Variants in PML observed in about 807,000 individuals in gnomAD.
PML encodes protein PML.
PML carries 28 observed loss-of-function variants against 65.2 expected under a neutral mutation model. The observed-to-expected ratio is 0.43, with a 90% CI of 0.32 to 0.59. PML has a LOEUF of 0.59. Among genes scored for constraint, PML ranks in the 20% least tolerant of loss-of-function variants. PML has a pLI of 0.08. For synonymous variants in PML, 500 were observed against 508.8 expected (o/e 0.98, Z 0.23); for missense variants, 1,021 against 1,203.4 (o/e 0.85, Z 2.24).
Position 74,047,420 on chromosome 15 carries a change from G to A in PML, c.*2412G>A, listed in dbSNP as rs2071782136. 4 of 229,840 alleles carry A rather than the reference G, an allele frequency of 1.7e-5. No individual in the cohort carries two copies. The East Asian group carries it at 2.5e-4, about 14-fold the overall frequency. 14.2% of individuals were successfully genotyped at this position (229,840 alleles called of 1,614,324 possible). ...TCCCAGATGCCCAGATTCCAGTCCT[G>A]GAGTTTTATTCTCTCAGCTTGATCC... On this transcript the variant is annotated 3_prime_UTR_variant, in exon 9 of 9. Transcript: ENST00000268058.
chr15:74,023,093 G>A lies in PML; in HGVS notation c.868G>A (p.Val290Met). ...RERVRQVVAHVRAQERELLEA... is the reference protein window; with the variant it reads ...RERVRQVVAHMRAQERELLEA... ...GCGCGTGCGCCAGGTGGTAGCTCACGTGCGGGCTCAGGAGCGCGAGCTGCT... is the reference window on the plus strand; with the variant it reads ...GCGCGTGCGCCAGGTGGTAGCTCACATGCGGGCTCAGGAGCGCGAGCTGCT... Residue 290 changes from valine (V) to methionine (M), a missense_variant, in exon 3 of 9, where the codon GTG becomes ATG. By Grantham distance (21) the Val-to-Met change is conservative (BLOSUM62 1). Transcript: ENST00000268058. 6.2e-7 allele frequency: 1 copy of A among 1,603,114 alleles called. No individual in the cohort carries two copies. Among genetic ancestry groups the A allele is most frequent in the Non-Finnish European group, 8.5e-7 (1 of 1,178,892 alleles).
At chr15:74,023,728 A>G (rs1268189739) in intron 3 of PML, among the ~76,000 whole-genome samples, 2 of 152,220 alleles carry the variant, frequency 1.3e-5, no homozygotes, top group African/African-American at 2.4e-5. Context: ...TTTTGGCGCC[A>G]GAGGGACCAA....
intron 2 of PML, 28 bp downstream of exon 2, chr15:73,998,504 G>T: frequency 6.4e-7 from 1 of 1,574,152 alleles, no homozygotes; most frequent in Non-Finnish European, 8.7e-7. Flanking sequence ...GGGTGGGGTG[G>T]TGCATCCAAG....
intron 4 of PML, chr15:74,026,907 C>T (rs1417151623): frequency 6.6e-6 from 1 of 152,224 alleles, no homozygotes; most frequent in Non-Finnish European, 1.5e-5. Context: ...CCACCTCAGC[C>T]TCCCAAAAGT....
chr15:74,014,784 C>G (rs1428660492), intron 2 of PML, among the ~76,000 whole-genome samples: 1 of 151,852 alleles, frequency 6.6e-6, no homozygotes, highest in Non-Finnish European at 1.5e-5. Flanking sequence ...AAAAAGAAAT[C>G]ATTGAAGCCA....
chr15:74,043,124 A>T lies in PML; in HGVS notation c.1846A>T (p.Lys616Ter). 1 of 1,613,618 alleles carries T rather than the reference A, an allele frequency of 6.2e-7. No individual in the cohort carries two copies. The highest frequency in any genetic ancestry group is 8.5e-7 in the Non-Finnish European group (1 of 1,179,954). The change falls in exon 8 of 9, where the codon AAG becomes TAG. Residue 616 changes from lysine to a stop codon, truncating the protein, a stop_gained. Coordinates refer to ENST00000268058, the MANE Select transcript of PML (RefSeq NM_033238.3). LOFTEE classifies it low-confidence loss of function (END_TRUNC). This position sits in a 1 kb window ranked among gnomAD's most constrained non-coding sequence, Gnocchi z 4.3. ...EDRPLVFFDL[K>*]IDNETQKISQ... ...CAGACCTCTGGTTTTCTTTGACCTC[A>T]AGATTGACAATGAAAGTGGGTTCTC...
chr15:74,037,752 C>T lies in PML; in HGVS notation c.1710+3222C>T. ...GGCACTCCTCCCTCTCCTCTGCAGG[C>T]TCTGTTTTTTCTTGGTTGTGGTGCT... On this transcript the variant is annotated intron_variant, in intron 7 of 8. Coordinates refer to ENST00000268058, the MANE Select transcript of PML (RefSeq NM_033238.3). This position sits in a 1 kb window ranked among gnomAD's most constrained non-coding sequence, Gnocchi z 4.2. 5 of 979,792 alleles carry T rather than the reference C, an allele frequency of 5.1e-6. No individual in the cohort carries two copies. The highest frequency in any genetic ancestry group is 6.1e-6 in the Non-Finnish European group (5 of 824,804). The allele number at this position is 979,792 out of a possible 1,614,324, so 60.7% of individuals were successfully genotyped here. A position where few individuals can be genotyped will look rare whatever the true frequency, so the allele number is the denominator to read the frequency against.
intron 2 of PML, among the ~76,000 whole-genome samples, chr15:74,011,656 T>TG (rs1276171762): frequency 6.6e-6 from 1 of 152,220 alleles, no homozygotes; most frequent in African/African-American, 2.4e-5. Context: ...TCAGGCTGCA[T>TG]GCAACCTTTC....
At chr15:74,022,367 C>T (rs946287990) in intron 2 of PML, among the ~76,000 whole-genome samples, 1 of 152,144 alleles carries the variant, frequency 6.6e-6, no homozygotes, top group Non-Finnish European at 1.5e-5. Context: ...ATATGTATAA[C>T]GACAATTCTC....
At chr15:74,040,105 G>A (rs2071661709) in intron 7 of PML, among the ~76,000 whole-genome samples, 1 of 151,674 alleles carries the variant, frequency 6.6e-6, no homozygotes, top group Admixed American at 6.6e-5. Flanking sequence ...GCTCTCACGA[G>A]GCTCAGCCTG....
At chr15:74,033,619 G>A (rs765190464) in intron 6 of PML, 27 of 713,606 alleles carry the variant, frequency 3.8e-5, no homozygotes. Flanking sequence ...TTGAGGTGTG[G>A]GGAGCCTGAC....
chr15:74,044,105 C>A, intron 8 of PML, 116 bp from the exon 9 acceptor site: 1 of 961,018 alleles, frequency 1.0e-6, no homozygotes, highest in Non-Finnish European at 1.7e-6. Context: ...CTACTGCCAG[C>A]AGACCCCAAG....
At chr15:74,044,158 C>T (rs2071743664) in intron 8 of PML, 63 bp from the exon 9 acceptor site, 1 of 1,563,656 alleles carries the variant, frequency 6.4e-7, no homozygotes, top group African/African-American at 1.3e-5. Context: ...AGAGGACCCC[C>T]TGCTCCCACC....
At chr15:74,041,898 G>T (rs911246031) in intron 7 of PML, among the ~76,000 whole-genome samples, 1 of 152,230 alleles carries the variant, frequency 6.6e-6, no homozygotes, top group African/African-American at 2.4e-5. Flanking sequence ...CCCAAGGCCT[G>T]CCCTGGACTC....
chr15:74,008,087 C>G (rs576381551), intron 2 of PML, among the ~76,000 whole-genome samples: 1 of 152,192 alleles, frequency 6.6e-6, no homozygotes, highest in African/African-American at 2.4e-5. Flanking sequence ...GCCACTTACC[C>G]TGCTGGGATC....
intron 2 of PML, among the ~76,000 whole-genome samples, chr15:74,016,586 A>G (rs1256720290): frequency 1.3e-5 from 2 of 152,084 alleles, no homozygotes; most frequent in Admixed American, 1.3e-4. Context: ...TAGAAAGTTT[A>G]GGAAAATCTA....
chr15:74,032,590 G>GT lies in PML; in HGVS notation c.1274dup (p.Lys426GlufsTer11). 6 of 1,614,142 alleles carry GT rather than the reference G, an allele frequency of 3.7e-6. No individual in the cohort carries two copies. In the South Asian group the frequency reaches 6.6e-5, roughly 18 times the overall value. On this transcript the variant is annotated frameshift_variant, in exon 5 of 9. Coordinates refer to ENST00000268058, the MANE Select transcript of PML (RefSeq NM_033238.3). LOFTEE classifies it high-confidence loss of function. Reference sequence around the variant, plus strand: ...TTTGCAGCCCGAGGAGGCAGAGAGAGTGAAGGCCCAGGTTCAGGCCCTGGG... The same window carrying GT: ...TTTGCAGCCCGAGGAGGCAGAGAGAGTTGAAGGCCCAGGTTCAGGCCCTGGG...
rs543417635 is a variant in PML, at chr15:73,998,222, G to C, written c.348G>C (p.Leu116=). Residue 116 remains leucine, a synonymous_variant, in exon 2 of 9, where the codon CTG becomes CTC. Transcript: ENST00000268058. ...NVFFESLQRR[L]SVYRQIVDAQ... The stretch of plus-strand genomic sequence containing the variant: ...TTTTCGAGAGTCTGCAGCGGCGCCT[G>C]TCGGTGTACCGGCAGATTGTGGATG... 6.2e-7 allele frequency: 1 copy of C among 1,614,226 alleles called. No individual in the cohort carries two copies.
chr15:74,029,696 T>C (rs1018336953), intron 4 of PML, among the ~76,000 whole-genome samples: 1 of 152,102 alleles, frequency 6.6e-6, no homozygotes, highest in African/African-American at 2.4e-5. Flanking sequence ...ACTCTGATAA[T>C]TTCTATTCTA....
Sources: allele counts gnomAD v4.1 joint callset (sites outside exome capture counted in the v4.1 genomes callset), GRCh38; gene constraint gnomAD v4.1.1; non-coding constraint Gnocchi (gnomAD v3.1); transcripts MANE v1.5; gene names NCBI Gene and HGNC (gene_info 2026-07-23, HGNC 2026-07-21).